The following HACD1 variants were observed in gnomAD, a reference collection of about 807,000 sequenced individuals.
HACD1 encodes very-long-chain (3R)-3-hydroxyacyl-CoA dehydratase 1.
A neutral mutation model predicts 32.0 loss-of-function variants in HACD1; 41 were observed. The observed-to-expected ratio is 1.28, with a 90% CI of 1.00 to 1.66. The LOEUF is 1.66. HACD1 is among the 40% of genes most tolerant of loss of function. The probability of loss-of-function intolerance (pLI) is 0.00; values close to 1 mark genes in which losing one functional copy is unlikely to be tolerated. For missense variants in HACD1, 396 were observed against 380.1 expected (o/e 1.04, Z -0.35); for synonymous variants, 142 against 139.0 (o/e 1.02, Z -0.15).
At chr10:17,602,343 T>G (rs574403157) in intron 4 of HACD1, among the ~76,000 whole-genome samples, 1 of 152,060 alleles carries the variant, frequency 6.6e-6, no homozygotes, top group East Asian at 1.9e-4. Flanking sequence ...AGTGCTGGGA[T>G]TACAGGCTTG....
chr10:17,613,612 A>G (rs1394926804), intron 1 of HACD1, among the ~76,000 whole-genome samples: 2 of 152,240 alleles, frequency 1.3e-5, no homozygotes, highest in Admixed American at 6.5e-5. Context: ...AGTCAGTTAC[A>G]GAGATTATTC....
chr10:17,610,710 G>A (rs1385347277), intron 1 of HACD1, among the ~76,000 whole-genome samples: 8 of 151,826 alleles, frequency 5.3e-5, no homozygotes, highest in African/African-American at 1.9e-4. Flanking sequence ...CTGTGCATCA[G>A]GCATCCTGCT....
At chr10:17,595,391 C>A (rs758389173) in intron 5 of HACD1, among the ~76,000 whole-genome samples, 1 of 152,120 alleles carries the variant, frequency 6.6e-6, no homozygotes, top group South Asian at 2.1e-4. Flanking sequence ...TTGCAGAAAA[C>A]TGATAATACC....
intron 1 of HACD1, chr10:17,615,737 TG>T: frequency 5.4e-6 from 2 of 368,258 alleles, no homozygotes; most frequent in Non-Finnish European, 1.1e-5. Context: ...GAGGCCGAAG[TG>T]GGGGAATCAT....
At position 17,589,074 on chromosome 10, in the gene HACD1, T is replaced by C. The variant is rs1239843350; in HGVS notation, c.*1290A>G. 6.6e-6 allele frequency: 1 copy of C among 152,198 alleles called. No homozygotes were observed. Among genetic ancestry groups the C allele is most frequent in the African/African-American group, 2.4e-5 (1 of 41,458 alleles). The allele number at this position is 152,198 out of a possible 1,614,324, so 9.4% of individuals were successfully genotyped here. The stretch of plus-strand genomic sequence containing the variant: ...ATTAAACACAAGGACAGGAACTTTA[T>C]TACAAGACCTTTTGCTATTCAATGG... On this transcript the variant is annotated 3_prime_UTR_variant, in exon 7 of 7. Transcript: ENST00000361271.
In HACD1 at chr10:17,590,280, C is replaced by A. The variant is rs1833912146; in HGVS notation, c.*84G>T. ...AAACCATACAATCCATGATATTTCACAAAGTTGTTTATTCTTGTTATTAAA... is the reference window on the plus strand; with the variant it reads ...AAACCATACAATCCATGATATTTCAAAAAGTTGTTTATTCTTGTTATTAAA... On this transcript the variant is annotated 3_prime_UTR_variant, in exon 7 of 7. Coordinates refer to ENST00000361271, the MANE Select transcript of HACD1 (RefSeq NM_014241.4). The A allele has an allele frequency of 1.0e-6, 1 of 986,616 alleles. No homozygotes were observed. The highest frequency in any genetic ancestry group is 1.6e-5 in the South Asian group (1 of 62,426). The allele number at this position is 986,616 out of a possible 1,614,324, so 61.1% of individuals were successfully genotyped here.
At chr10:17,610,288 G>T (rs1167080561) in intron 1 of HACD1, among the ~76,000 whole-genome samples, 2 of 152,036 alleles carry the variant, frequency 1.3e-5, no homozygotes, top group Admixed American at 1.3e-4. Context: ...ATGAACCTTG[G>T]GTTTCTTGTT....
intron 1 of HACD1, among the ~76,000 whole-genome samples, chr10:17,614,244 T>C (rs1389845577): frequency 1.3e-5 from 2 of 152,112 alleles, no homozygotes; most frequent in Non-Finnish European, 2.9e-5. Context: ...TCCTGGGCAA[T>C]ATAGCAAAAA....
At chr10:17,615,003 C>G (rs893744666) in intron 1 of HACD1, among the ~76,000 whole-genome samples, 1 of 152,184 alleles carries the variant, frequency 6.6e-6, no homozygotes, top group Admixed American at 6.5e-5. Context: ...CCGCCCACCT[C>G]GGCCTTCCAA....
At position 17,589,278 on chromosome 10, in the gene HACD1, A is replaced by C. The variant is rs1200164436; in HGVS notation, c.*1086T>G. On this transcript the variant is annotated 3_prime_UTR_variant, in exon 7 of 7. Coordinates refer to ENST00000361271, the MANE Select transcript of HACD1 (RefSeq NM_014241.4). ...CTTCCTCATCATCGTTATCATCATC[A>C]TCATCATCATCACTATTTTTCAGAG... 5 of 152,322 alleles carry C rather than the reference A, an allele frequency of 3.3e-5. No homozygotes were observed. Among genetic ancestry groups the C allele is most frequent in the African/African-American group, 1.2e-4 (5 of 41,384 alleles). 9.4% of individuals were successfully genotyped at this position (152,322 alleles called of 1,614,324 possible). A position where few individuals can be genotyped will look rare whatever the true frequency, so the allele number is the denominator to read the frequency against.
rs368924879 is a variant in HACD1, at chr10:17,590,387, C to G, written c.844G>C (p.Val282Leu). The G allele has an allele frequency of 1.2e-5, 20 of 1,601,394 alleles. No homozygotes were observed. The African/African-American group carries it at 2.1e-4, about 17-fold the overall frequency. Residue 282 changes from valine to leucine, a missense_variant, in exon 7 of 7, where the codon GTG (valine) becomes CTG (leucine). Coordinates refer to ENST00000361271, the MANE Select transcript of HACD1 (RefSeq NM_014241.4). Reference protein sequence around the residue: ...RQRRKVLHGEVIVEKDD With the variant: ...RQRRKVLHGELIVEKDD The stretch of plus-strand genomic sequence containing the variant: ...ATTTAATCATCCTTTTCTACAATCA[C>G]CTCTCCATGAAGCACCTTTCTTCTT...
chr10:17,604,531 T>A (rs927478761), intron 1 of HACD1, among the ~76,000 whole-genome samples: 4 of 150,910 alleles, frequency 2.7e-5, no homozygotes, highest in African/African-American at 9.7e-5. Flanking sequence ...AATAGAATAT[T>A]AGCCTTAAAA....
chr10:17,614,048 T>C (rs1208299799), intron 1 of HACD1, among the ~76,000 whole-genome samples: 5 of 152,212 alleles, frequency 3.3e-5, no homozygotes, highest in African/African-American at 9.6e-5. Flanking sequence ...ACTGGAGCTA[T>C]GCATTGATGT....
At chr10:17,601,153 C>A (rs1834064579) in intron 4 of HACD1, among the ~76,000 whole-genome samples, 1 of 152,030 alleles carries the variant, frequency 6.6e-6, no homozygotes, top group South Asian at 2.1e-4. Context: ...TCTGCCTCAG[C>A]CTCCCGAGTA....
chr10:17,609,583 G>A (rs1384236326), intron 1 of HACD1, among the ~76,000 whole-genome samples: 4 of 152,126 alleles, frequency 2.6e-5, no homozygotes, highest in Non-Finnish European at 5.9e-5. Context: ...ATAACAGAAT[G>A]TACTTCTCGG....
rs375829036 is a variant in HACD1 at position 17,599,395 on chromosome 10, C to T, written c.500G>A (p.Ser167Asn). ...HSIKPIQNEESVVLFLVAWTV... is the reference protein window; with the variant it reads ...HSIKPIQNEENVVLFLVAWTV... ...CCACGCGACCAGAAAAAGCACCACACTCTCTTCATTCTGGATCTGCAGAAT... is the reference window on the plus strand; with the variant it reads ...CCACGCGACCAGAAAAAGCACCACATTCTCTTCATTCTGGATCTGCAGAAT... The change falls in exon 5 of 7, where the codon AGT becomes AAT. Residue 167 changes from serine to asparagine, a missense_variant. Ser to Asn is a conservative substitution (Grantham distance 46). Transcript: ENST00000361271. 1 of 1,613,590 alleles carries T rather than the reference C, an allele frequency of 6.2e-7. No individual in the cohort carries two copies. The highest frequency in any genetic ancestry group is 8.5e-7 in the Non-Finnish European group (1 of 1,179,968).
rs1335574925 is a variant in HACD1 at position 17,594,367 on chromosome 10, T to C, written c.622A>G (p.Ile208Val). The C allele has an allele frequency of 6.8e-7, 1 of 1,470,952 alleles. No individual in the cohort carries two copies. The highest frequency in any genetic ancestry group is 9.0e-7 in the Non-Finnish European group (1 of 1,106,244). 91.1% of individuals were successfully genotyped at this position (1,470,952 alleles called of 1,614,324 possible). Residue 208 changes from isoleucine (I) to valine (V), a missense_variant, in exon 6 of 7, where the codon ATC (isoleucine) becomes GTC (valine). Physicochemically the swap from Ile to Val is conservative, Grantham distance 29. Coordinates refer to ENST00000361271, the MANE Select transcript of HACD1 (RefSeq NM_014241.4). Reference sequence around the variant, plus strand: ...CCAGCAACTCCAACAGGATATAAGATGATAAAAAAATTATATCTGGAGAAA... The same window carrying C: ...CCAGCAACTCCAACAGGATATAAGACGATAAAAAAATTATATCTGGAGAAA... ...IKWARYNFFI[I>V]LYPVGVAGEL... is the part of the protein sequence containing the mutation.
chr10:17,615,803 C>A (rs1300478359), intron 1 of HACD1: 26 of 428,770 alleles, frequency 6.1e-5, no homozygotes, highest in Admixed American at 5.5e-4. Context: ...CCTGTCTCTA[C>A]CAAAAATACA....
At chr10:17,615,022 G>C (rs543703127) in intron 1 of HACD1, among the ~76,000 whole-genome samples, 1 of 152,340 alleles carries the variant, frequency 6.6e-6, no homozygotes, top group African/African-American at 2.4e-5. Flanking sequence ...AAAGTGCTGG[G>C]ATTACAGGCG....
Sources: gnomAD v4.1 joint callset for allele counts (sites outside exome capture counted in the v4.1 genomes callset) on GRCh38, gnomAD v4.1.1 for gene constraint, MANE v1.5 for transcripts, NCBI Gene and HGNC (gene_info 2026-07-23, HGNC 2026-07-21) for gene names.